Variants in RAB25 observed in about 807,000 individuals in gnomAD.
RAB25 encodes the protein ras-related protein Rab-25.
A neutral mutation model predicts 25.2 loss-of-function variants in RAB25; 23 were observed. The ratio of observed to expected loss-of-function variants is 0.91; its 90% CI spans 0.66 to 1.29. RAB25 has a LOEUF of 1.29. Among genes scored for constraint, RAB25 ranks in the 50% most tolerant of loss-of-function variants. The probability of loss-of-function intolerance (pLI) is 0.00; values close to 1 mark genes in which losing one functional copy is unlikely to be tolerated. For missense variants in RAB25, 244 were observed against 277.3 expected (o/e 0.88, Z 0.85); for synonymous variants, 102 against 111.5 (o/e 0.91, Z 0.54).
chr1:156,063,840 A>G (rs1647664705), intron 1 of RAB25, among the ~76,000 whole-genome samples: 1 of 152,260 alleles, frequency 6.6e-6, no homozygotes, highest in South Asian at 2.1e-4. Flanking sequence ...GTAAAATAGT[A>G]ATGGGATTCA....
chr1:156,068,066 C>T (rs995741769), intron 2 of RAB25: 1 of 488,354 alleles, frequency 2.0e-6, no homozygotes, highest in African/African-American at 1.9e-5. Context: ...GGAGGTGAAA[C>T]TTTACAGGCT....
Position 156,068,430 on chromosome 1 carries a change from G to C in RAB25, c.400G>C (p.Glu134Gln). Residue 134 changes from glutamate (E) to glutamine (Q), a missense_variant, in exon 3 of 5, where the codon GAA (glutamate) becomes CAA (glutamine). Coordinates refer to ENST00000361084, the MANE Select transcript of RAB25 (RefSeq NM_020387.4). ...CAAAAGTGACCTCAGCCAGGCCCGG[G>C]AAGTGCCCACTGAGGAGGCCCGAAT... is the stretch of plus-strand genomic sequence containing the variant. ...GNKSDLSQAR[E>Q]VPTEEARMFA... The C allele has an allele frequency of 6.2e-7, 1 of 1,613,830 alleles. No homozygotes were observed. Among genetic ancestry groups the C allele is most frequent in the Non-Finnish European group, 8.5e-7 (1 of 1,179,970 alleles).
intron 2 of RAB25, 196 bp from the exon 3 acceptor site, chr1:156,068,074 G>C (rs752130508): frequency 4.6e-5 from 23 of 502,114 alleles, no homozygotes; most frequent in Non-Finnish European, 7.1e-5. Context: ...AACTTTACAG[G>C]CTCCAAGACT....
In RAB25 at chr1:156,068,302, T is replaced by G. The variant is rs200399301; in HGVS notation, c.272T>G (p.Val91Gly). 119 of 1,613,854 alleles carry G rather than the reference T, an allele frequency of 7.4e-5. No homozygotes were observed. The highest frequency in any genetic ancestry group is 9.7e-5 in the Non-Finnish European group (114 of 1,179,774). ...CGTGGTGCAGTGGGGGCCCTCCTGG[T>G]GTTTGACCTAACCAAGCACCAGACC... Reference protein sequence around the residue: ...YYRGAVGALLVFDLTKHQTYA... With the variant: ...YYRGAVGALLGFDLTKHQTYA... Residue 91 changes from valine to glycine, a missense_variant, in exon 3 of 5, where the codon GTG (valine) becomes GGG (glycine). Transcript: ENST00000361084.
Position 156,070,382 on chromosome 1 carries a change from C to A in RAB25, c.*95C>A. The A allele has an allele frequency of 6.7e-7, 1 of 1,501,450 alleles. No homozygotes were observed. The highest frequency in any genetic ancestry group is 9.0e-7 in the Non-Finnish European group (1 of 1,110,702). 93.0% of individuals were successfully genotyped at this position (1,501,450 alleles called of 1,614,324 possible). A position where few individuals can be genotyped will look rare whatever the true frequency, so the allele number is the denominator to read the frequency against. ...TTCCTTGCCCTTTGGTTCCAGATAT[C>A]AGACTGTTCCCTGTTCACAGCACCC... On this transcript the variant is annotated 3_prime_UTR_variant, in exon 5 of 5. Coordinates refer to ENST00000361084, the MANE Select transcript of RAB25 (RefSeq NM_020387.4).
Position 156,069,661 on chromosome 1 carries a change from T to C in RAB25, c.434-10T>C. 1 of 1,595,712 alleles carries C rather than the reference T, an allele frequency of 6.3e-7. No homozygotes were observed. Among genetic ancestry groups the C allele is most frequent in the Non-Finnish European group, 8.6e-7 (1 of 1,163,316 alleles). Reference sequence around the variant, plus strand: ...TCCCACAATTAATGGTGTGTTTCCCTTCCTGGCAGAAAACAATGGACTGCT... The same window carrying C: ...TCCCACAATTAATGGTGTGTTTCCCCTCCTGGCAGAAAACAATGGACTGCT... On this transcript the variant is annotated splice_polypyrimidine_tract_variant and intron_variant, in intron 3 of 4. Coordinates refer to ENST00000361084, the MANE Select transcript of RAB25 (RefSeq NM_020387.4).
Position 156,066,001 on chromosome 1 carries a change from T to A in RAB25, c.134T>A (p.Ile45Asn). ...TTCAGCCACGACAGCCGCACCACCA[T>A]CGGGGTTGAGTTCTCCACCCGCACT... is the stretch of plus-strand genomic sequence containing the variant. Reference protein sequence around the residue: ...NEFSHDSRTTIGVEFSTRTVM... With the variant: ...NEFSHDSRTTNGVEFSTRTVM... Residue 45 changes from isoleucine to asparagine, a missense_variant, in exon 2 of 5, where the codon ATC becomes AAC. Physicochemically the swap from Ile to Asn is moderately radical, Grantham distance 149. Coordinates refer to ENST00000361084, the MANE Select transcript of RAB25 (RefSeq NM_020387.4). The A allele has an allele frequency of 6.2e-7, 1 of 1,613,962 alleles. No homozygotes were observed. The highest frequency in any genetic ancestry group is 8.5e-7 in the Non-Finnish European group (1 of 1,179,876).
At position 156,061,443 on chromosome 1, in the gene RAB25, G is replaced by A; in HGVS notation, c.43G>A (p.Val15Met). The A allele has an allele frequency of 1.2e-6, 2 of 1,613,938 alleles. No individual in the cohort carries two copies. The highest frequency in any genetic ancestry group is 1.1e-5 in the South Asian group (1 of 91,064). Reference protein sequence around the residue: ...TEEDYNFVFKVVLIGESGVGK... With the variant: ...TEEDYNFVFKMVLIGESGVGK... ...GGAAGATTATAACTTTGTCTTCAAG[G>A]GTGAGTTGGGTTCCCTGAAGCAAGA... Residue 15 changes from valine (V) to methionine (M), a missense_variant and splice_region_variant, in exon 1 of 5, where the codon GTG becomes ATG. Transcript: ENST00000361084.
Position 156,065,914 on chromosome 1 carries a change from T to C in RAB25, c.47T>C (p.Val16Ala), listed in dbSNP as rs766103134. 1.0e-5 allele frequency: 16 copies of C among 1,595,196 alleles called. No homozygotes were observed. Among genetic ancestry groups the C allele is most frequent in the Non-Finnish European group, 1.3e-5 (15 of 1,167,744 alleles). Residue 16 changes from valine (V) to alanine (A), a missense_variant, in exon 2 of 5, where the codon GTG becomes GCG. Val to Ala is a moderately conservative substitution (Grantham distance 64). Coordinates refer to ENST00000361084, the MANE Select transcript of RAB25 (RefSeq NM_020387.4). Reference protein sequence around the residue: ...EEDYNFVFKVVLIGESGVGKT... With the variant: ...EEDYNFVFKVALIGESGVGKT... ...CCTTATCTCTCCACTCCTTCAGTGG[T>C]GCTGATCGGCGAATCAGGTGTGGGG...
chr1:156,061,425 T>G lies in RAB25; in HGVS notation c.25T>G (p.Tyr9Asp). 6.2e-7 allele frequency: 1 copy of G among 1,613,966 alleles called. No homozygotes were observed. The highest frequency in any genetic ancestry group is 1.3e-5 in the African/African-American group (1 of 75,006). MGNGTEED[Y>D]NFVFKVVLIG... Reference sequence around the variant, plus strand: ...GATGGGGAATGGAACTGAGGAAGATTATAACTTTGTCTTCAAGGGTGAGTT... The same window carrying G: ...GATGGGGAATGGAACTGAGGAAGATGATAACTTTGTCTTCAAGGGTGAGTT... Residue 9 changes from tyrosine (Y) to aspartate (D), a missense_variant, in exon 1 of 5, where the codon TAT (tyrosine) becomes GAT (aspartate). Transcript: ENST00000361084.
At chr1:156,063,360 C>T (rs1647647205) in intron 1 of RAB25, among the ~76,000 whole-genome samples, 1 of 152,150 alleles carries the variant, frequency 6.6e-6, no homozygotes, top group South Asian at 2.1e-4. Context: ...ATCATGTTGG[C>T]TAGGATGGTC....
intron 1 of RAB25, among the ~76,000 whole-genome samples, chr1:156,064,923 A>C (rs1001200511): frequency 2.6e-5 from 4 of 152,108 alleles, no homozygotes; most frequent in African/African-American, 9.7e-5. Context: ...CTGTGTGCTT[A>C]GTTCAGTGCC....
chr1:156,061,253 C>T lies in RAB25; in HGVS notation c.-148C>T. On this transcript the variant is annotated 5_prime_UTR_variant, in exon 1 of 5. Transcript: ENST00000361084. ...GCCTAACCTTGAGTTGGCCCCCAAT[C>T]CCTCTGGCTGCAGAAGTCCCCTTAC... 1 of 784,506 alleles carries T rather than the reference C, an allele frequency of 1.3e-6. No homozygotes were observed. Among genetic ancestry groups the T allele is most frequent in the Non-Finnish European group, 2.2e-6 (1 of 464,916 alleles). The allele number at this position is 784,506 out of a possible 1,614,324, so 48.6% of individuals were successfully genotyped here. A position where few individuals can be genotyped will look rare whatever the true frequency, so the allele number is the denominator to read the frequency against.
At position 156,062,075 on chromosome 1, in the gene RAB25, C is replaced by T. The variant is rs141605831; in HGVS notation, c.43+632C>T. Among the ~76,000 whole-genome samples, 19 of 152,272 alleles carry T rather than the reference C, an allele frequency of 1.2e-4. No homozygotes were observed. The East Asian group carries it at 2.7e-3, about 22-fold the overall frequency. On this transcript the variant is annotated intron_variant, in intron 1 of 4. Transcript: ENST00000361084. ...GATTACAGGCATGAGCCACCACACC[C>T]GGCCAGGACTTCTCTCTTGAGAAGA...
At chr1:156,068,202 G>A in intron 2 of RAB25, 68 bp from the exon 3 acceptor site, 1 of 1,377,818 alleles carries the variant, frequency 7.3e-7, no homozygotes, top group Admixed American at 1.7e-5. Flanking sequence ...CAGCTTGACG[G>A]CTCTGCTCTG....
At chr1:156,063,536 G>T (rs543179118) in intron 1 of RAB25, among the ~76,000 whole-genome samples, 27 of 152,334 alleles carry the variant, frequency 1.8e-4, no homozygotes, top group African/African-American at 5.8e-4. Flanking sequence ...AGCAACACAG[G>T]CTGGACAAAC....
At position 156,068,353 on chromosome 1, in the gene RAB25, A is replaced by G; in HGVS notation, c.323A>G (p.Lys108Arg). Residue 108 changes from lysine to arginine, a missense_variant, in exon 3 of 5, where the codon AAG (lysine) becomes AGG (arginine). By Grantham distance (26) the Lys-to-Arg change is conservative. Transcript: ENST00000361084. ...QTYAVVERWL[K>R]ELYDHAEATI... ...TATGCTGTGGTGGAGCGATGGCTGAAGGAGCTCTATGACCATGCTGAAGCC... is the reference window on the plus strand; with the variant it reads ...TATGCTGTGGTGGAGCGATGGCTGAGGGAGCTCTATGACCATGCTGAAGCC... 1 of 1,614,112 alleles carries G rather than the reference A, an allele frequency of 6.2e-7. No homozygotes were observed. The highest frequency in any genetic ancestry group is 8.5e-7 in the Non-Finnish European group (1 of 1,180,012).
rs1304479119 is a variant in RAB25, at chr1:156,068,328, T to C, written c.298T>C (p.Tyr100His). Residue 100 changes from tyrosine (Y) to histidine (H), a missense_variant, in exon 3 of 5, where the codon TAT (tyrosine) becomes CAT (histidine). Tyr to His is a moderately conservative substitution (Grantham distance 83). Coordinates refer to ENST00000361084, the MANE Select transcript of RAB25 (RefSeq NM_020387.4). Reference sequence around the variant, plus strand: ...GTTTGACCTAACCAAGCACCAGACCTATGCTGTGGTGGAGCGATGGCTGAA... The same window carrying C: ...GTTTGACCTAACCAAGCACCAGACCCATGCTGTGGTGGAGCGATGGCTGAA... ...LVFDLTKHQT[Y>H]AVVERWLKEL... The C allele has an allele frequency of 6.2e-7, 1 of 1,613,974 alleles. No individual in the cohort carries two copies. Among genetic ancestry groups the C allele is most frequent in the East Asian group, 2.2e-5 (1 of 44,888 alleles).
chr1:156,062,149 T>G (rs1395619932), intron 1 of RAB25, among the ~76,000 whole-genome samples: 1 of 152,058 alleles, frequency 6.6e-6, no homozygotes, highest in Non-Finnish European at 1.5e-5. Context: ...TCTGGGCAGG[T>G]GTACAGGGAA....
Sources: allele counts gnomAD v4.1 joint callset (sites outside exome capture counted in the v4.1 genomes callset), GRCh38; gene constraint gnomAD v4.1.1; transcripts MANE v1.5; gene names NCBI Gene and HGNC (gene_info 2026-07-23, HGNC 2026-07-21).